AZI2: variants seen among roughly 807,000 people sequenced by gnomAD.
AZI2 encodes the protein 5-azacytidine-induced protein 2.
In AZI2, 22 loss-of-function variants were observed where a neutral mutation model predicts 45.8. The ratio of observed to expected loss-of-function variants is 0.48; its 90% CI spans 0.34 to 0.69. The LOEUF (loss-of-function observed/expected upper bound fraction) is 0.69, where lower values mean the gene tolerates loss of function less well. Among genes scored for constraint, AZI2 ranks in the 30% least tolerant of loss-of-function variants. The probability of loss-of-function intolerance (pLI) is 0.01; values close to 1 mark genes in which losing one functional copy is unlikely to be tolerated. For synonymous variants in AZI2, 137 were observed against 156.7 expected, an observed-to-expected ratio of 0.87 and a Z score of 0.94; for missense variants, 417 against 441.5, an observed-to-expected ratio of 0.94 and a Z score of 0.50.
chr3:28,327,009 A>T, intron 6 of AZI2, 59 bp from the exon 7 acceptor site: 1 of 1,198,722 alleles, frequency 8.3e-7, no homozygotes, highest in East Asian at 2.5e-5. Flanking sequence ...GACAAAAGGG[A>T]ATAACTTTAG....
intron 2 of AZI2, 38 bp downstream of exon 2, chr3:28,340,364 A>T (rs1703963167): frequency 1.5e-6 from 2 of 1,317,820 alleles, no homozygotes; most frequent in East Asian, 2.4e-5. Context: ...ATTATTCCTT[A>T]TGTCACAAAC....
intron 5 of AZI2, among the ~76,000 whole-genome samples, chr3:28,333,677 G>A (rs991430249): frequency 2.0e-5 from 3 of 151,548 alleles, no homozygotes; most frequent in African/African-American, 7.3e-5. Flanking sequence ...TAAGCTCATA[G>A]AGACTGTATC....
chr3:28,336,980 G>C, intron 4 of AZI2, 95 bp from the exon 5 acceptor site: 1 of 1,251,716 alleles, frequency 8.0e-7, no homozygotes, highest in South Asian at 1.5e-5. Flanking sequence ...GTAGATAATA[G>C]AAAAACTAAC....
intron 1 of AZI2, among the ~76,000 whole-genome samples, chr3:28,343,452 C>T (rs1704107203): frequency 6.6e-6 from 1 of 151,734 alleles, no homozygotes; most frequent in Non-Finnish European, 1.5e-5. Flanking sequence ...GGTAGAGGCA[C>T]TGTGGATTTT....
chr3:28,339,251 T>TA (rs1325743835), intron 2 of AZI2, among the ~76,000 whole-genome samples: 1 of 152,162 alleles, frequency 6.6e-6, no homozygotes, highest in Non-Finnish European at 1.5e-5. Context: ...GGGCTGGAAT[T>TA]ACAGGTGTGA....
Position 28,340,425 on chromosome 3 carries a change from T to C in AZI2, c.193A>G (p.Arg65Gly). The change falls in exon 2 of 8, where the codon AGA becomes GGA. Residue 65 changes from arginine (R) to glycine (G), a missense_variant. Coordinates refer to ENST00000479665, the MANE Select transcript of AZI2 (RefSeq NM_022461.5). The stretch of plus-strand genomic sequence containing the variant: ...ACCTTTTCTTCCAAAAATCTTATTC[T>C]CTTCTTTAACAAAGAGTTCTCTTTC... Reference protein sequence around the residue: ...SEKENSLLKKRIRFLEEKLIA... With the variant: ...SEKENSLLKKGIRFLEEKLIA... The C allele has an allele frequency of 6.2e-7, 1 of 1,602,906 alleles. No homozygotes were observed. The highest frequency in any genetic ancestry group is 1.1e-5 in the South Asian group (1 of 90,290).
Sources: gnomAD v4.1 joint callset for allele counts (sites outside exome capture counted in the v4.1 genomes callset) on GRCh38, gnomAD v4.1.1 for gene constraint, MANE v1.5 for transcripts, NCBI Gene and HGNC (gene_info 2026-07-23, HGNC 2026-07-21) for gene names.